Variants in WDPCP observed in about 807,000 individuals in gnomAD.
WDPCP encodes the protein WD repeat containing planar cell polarity effector.
WDPCP carries 71 observed loss-of-function variants against 93.1 expected under a neutral mutation model. The observed-to-expected ratio is 0.76, with a 90% CI of 0.63 to 0.93. The LOEUF (loss-of-function observed/expected upper bound fraction) is 0.93, where lower values mean the gene tolerates loss of function less well. Ranked by LOEUF, WDPCP falls within the 40% of genes least tolerant of loss-of-function variation. The probability of loss-of-function intolerance (pLI) is 0.00; values close to 1 mark genes in which losing one functional copy is unlikely to be tolerated. For synonymous variants in WDPCP, 315 were observed against 315.0 expected (o/e 1.00, Z 0.00); for missense variants, 844 against 887.4 (o/e 0.95, Z 0.62).
In WDPCP at chr2:63,722,531, G is replaced by A. The variant is rs1306178450; in HGVS notation, n.309-71693C>T. On this transcript the variant is annotated intron_variant and non_coding_transcript_variant, in intron 2 of 4. Coordinates refer to the WDPCP transcript ENST00000467687. ...TGGGAAGTGAGGAGCGTCTCCGCCCGGCCAGCCGCCCCATCCGGGAGGGAG... is the reference window on the plus strand; with the variant it reads ...TGGGAAGTGAGGAGCGTCTCCGCCCAGCCAGCCGCCCCATCCGGGAGGGAG... 4.3e-5 allele frequency among the ~76,000 whole-genome samples: 6 copies of A among 140,210 alleles called. 1 individual carries two copies. Among genetic ancestry groups the A allele is most frequent in the Non-Finnish European group, 8.1e-5 (5 of 62,076 alleles). The allele number at this position is 140,210 out of a possible 152,430, so 92.0% of individuals were successfully genotyped here. A position where few individuals can be genotyped will look rare whatever the true frequency, so the allele number is the denominator to read the frequency against.
intron 1 of WDPCP, among the ~76,000 whole-genome samples, chr2:63,574,864 T>C (rs985206936): frequency 2.0e-5 from 3 of 152,154 alleles, no homozygotes; most frequent in Non-Finnish European, 4.4e-5. Flanking sequence ...TCCTGTAAAA[T>C]GGAACTGATT....
intron 2 of WDPCP, among the ~76,000 whole-genome samples, chr2:63,703,081 A>G (rs963807041): frequency 5.3e-4 from 80 of 152,262 alleles, no homozygotes; most frequent in Middle Eastern, 3.4e-3. Context: ...ATAGTATTCC[A>G]TGGTGTATAT....
chr2:63,733,375 A>AT (rs1217239559), intron 2 of WDPCP, among the ~76,000 whole-genome samples: 9 of 147,258 alleles, frequency 6.1e-5, no homozygotes, highest in East Asian at 2.0e-4. Flanking sequence ...AATTTTTTGT[A>AT]TTTTTTTTAG....
At chr2:63,726,485 C>T (rs185074596) in intron 2 of WDPCP, among the ~76,000 whole-genome samples, 199 of 152,252 alleles carry the variant, frequency 1.3e-3, no homozygotes, top group African/African-American at 4.5e-3. Context: ...TAGTGTGATG[C>T]TTCTGGCTTT....
At chr2:63,733,682 G>A (rs1669597245) in intron 2 of WDPCP, among the ~76,000 whole-genome samples, 1 of 152,208 alleles carries the variant, frequency 6.6e-6, no homozygotes, top group Non-Finnish European at 1.5e-5. Context: ...ACTTGTCAGT[G>A]CTGGCTGGAA....
Position 63,487,500 on chromosome 2 carries a change from G to C in WDPCP, c.161-6C>G. The C allele has an allele frequency of 6.3e-7, 1 of 1,578,694 alleles. No individual in the cohort carries two copies. The highest frequency in any genetic ancestry group is 8.7e-7 in the Non-Finnish European group (1 of 1,149,506). ...GTAGATCCCAATGTCTCTATCTATA[G>C]AAAGGAAGAAATAACATTAAATTAT... On this transcript the variant is annotated splice_region_variant and splice_polypyrimidine_tract_variant and intron_variant, in intron 2 of 17. Transcript: ENST00000272321.
At chr2:63,198,502 G>T (rs931997386) in intron 14 of WDPCP, among the ~76,000 whole-genome samples, 2 of 152,154 alleles carry the variant, frequency 1.3e-5, no homozygotes, top group Non-Finnish European at 2.9e-5. Flanking sequence ...TTTGGGAGGG[G>T]TGATCCCCTG....
intron 2 of WDPCP, among the ~76,000 whole-genome samples, chr2:63,804,413 G>A (rs764909542): frequency 1.3e-5 from 2 of 151,688 alleles, no homozygotes; most frequent in Non-Finnish European, 1.5e-5. Flanking sequence ...CACCACACCC[G>A]GCTAATTTTT....
intron 3 of WDPCP, among the ~76,000 whole-genome samples, chr2:63,632,170 C>T (rs966161744): frequency 2.3e-4 from 35 of 152,158 alleles, no homozygotes; most frequent in Admixed American, 1.8e-3. Context: ...AGCACAGCAC[C>T]GCCTTGTTGA....
intron 2 of WDPCP, among the ~76,000 whole-genome samples, chr2:63,680,728 G>A (rs1006467140): frequency 2.0e-5 from 3 of 152,104 alleles, no homozygotes; most frequent in South Asian, 2.1e-4. Context: ...AAAAGTGCTC[G>A]TGCCACCTCT....
chr2:63,621,619 G>T (rs1709738853), intron 3 of WDPCP, among the ~76,000 whole-genome samples: 1 of 152,160 alleles, frequency 6.6e-6, no homozygotes, highest in Admixed American at 6.5e-5. Context: ...TTATCCAGGA[G>T]AACTTCCCCA....
chr2:63,439,713 C>A (rs753701567), intron 7 of WDPCP, 44 bp downstream of exon 7: 2 of 1,538,982 alleles, frequency 1.3e-6, no homozygotes, highest in Non-Finnish European at 1.8e-6. Flanking sequence ...TTCTCCTGCC[C>A]CACTGTTAAT....
chr2:63,369,292 T>C (rs2104757023), intron 12 of WDPCP: 2 of 405,202 alleles, frequency 4.9e-6, no homozygotes, highest in South Asian at 3.6e-5. Context: ...TTTTAATCCT[T>C]GCCAAACTAA....
chr2:63,357,929 A>C (rs1245226597), intron 12 of WDPCP, among the ~76,000 whole-genome samples: 1 of 152,218 alleles, frequency 6.6e-6, no homozygotes, highest in Non-Finnish European at 1.5e-5. Context: ...TGCAGCCATA[A>C]AAAAGAACGA....
chr2:63,194,689 A>G (rs1006889610), intron 14 of WDPCP, among the ~76,000 whole-genome samples: 2 of 152,176 alleles, frequency 1.3e-5, no homozygotes, highest in South Asian at 2.1e-4. Context: ...AGTATTTTCT[A>G]AAAATTTCAT....
chr2:63,393,712 T>C (rs1186820048), intron 10 of WDPCP, among the ~76,000 whole-genome samples: 1 of 152,008 alleles, frequency 6.6e-6, no homozygotes, highest in African/African-American at 2.4e-5. Context: ...AGCATGGTAC[T>C]GGTACAAAAA....
intron 13 of WDPCP, among the ~76,000 whole-genome samples, chr2:63,287,285 C>A (rs956863152): frequency 6.6e-6 from 1 of 152,026 alleles, no homozygotes; most frequent in Non-Finnish European, 1.5e-5. Flanking sequence ...GTCCATGACA[C>A]CATCCATTCT....
At chr2:63,812,306 G>T (rs1481143618) in intron 2 of WDPCP, among the ~76,000 whole-genome samples, 1 of 152,038 alleles carries the variant, frequency 6.6e-6, no homozygotes, top group Non-Finnish European at 1.5e-5. Flanking sequence ...TCTTTATCCA[G>T]CCAGCCATTG....
intron 2 of WDPCP, among the ~76,000 whole-genome samples, chr2:63,660,673 TGAGA>T (rs1710216552): frequency 1.3e-5 from 2 of 152,170 alleles, no homozygotes; most frequent in African/African-American, 4.8e-5. Flanking sequence ...AGTCCCAAAA[TGAGA>T]TATCAAATTC....
Sources: gnomAD v4.1 joint callset for allele counts (sites outside exome capture counted in the v4.1 genomes callset) on GRCh38, gnomAD v4.1.1 for gene constraint, MANE v1.5 for transcripts, NCBI Gene and HGNC (gene_info 2026-07-23, HGNC 2026-07-21) for gene names.